The following PAPSS1 variants were observed in gnomAD, a reference collection of about 807,000 sequenced individuals.
PAPSS1 encodes 3'-phosphoadenosine 5'-phosphosulfate synthase 1, also known as bifunctional 3'-phosphoadenosine 5'-phosphosulfate synthase 1.
A neutral mutation model predicts 72.0 loss-of-function variants in PAPSS1; 50 were observed. The observed-to-expected ratio is 0.69, with a 90% CI of 0.55 to 0.88. PAPSS1 has a LOEUF of 0.88. Among genes scored for constraint, PAPSS1 ranks in the 40% least tolerant of loss-of-function variants. The pLI, the probability that PAPSS1 is intolerant of heterozygous loss-of-function variation, is 0.00. For synonymous variants in PAPSS1, 261 were observed against 263.6 expected (o/e 0.99, Z 0.09); for missense variants, 657 against 782.2 (o/e 0.84, Z 1.91).
chr4:107,719,187 G>GTTTTTTTTTTT (rs9307313), intron 1 of PAPSS1, among the ~76,000 whole-genome samples: 4 of 146,404 alleles, frequency 2.7e-5, no homozygotes, highest in Non-Finnish European at 1.5e-5. Flanking sequence ...GAAATTGCTT[G>GTTTTTTTTTTT]TTTTTTTTTT....
chr4:107,635,088 G>A (rs1039891043), intron 10 of PAPSS1, among the ~76,000 whole-genome samples: 12 of 152,058 alleles, frequency 7.9e-5, no homozygotes, highest in East Asian at 3.9e-4. Context: ...GTGAGCCACC[G>A]CGCTTGGCCT....
chr4:107,676,053 T>C (rs1483023409), intron 5 of PAPSS1, among the ~76,000 whole-genome samples: 1 of 152,168 alleles, frequency 6.6e-6, no homozygotes, highest in Non-Finnish European at 1.5e-5. Context: ...AAGAGCTATC[T>C]ATGACAAACC....
intron 10 of PAPSS1, among the ~76,000 whole-genome samples, chr4:107,635,915 C>A (rs1352387558): frequency 6.6e-6 from 1 of 152,098 alleles, no homozygotes; most frequent in African/African-American, 2.4e-5. Context: ...CACAGAGACC[C>A]CTGGCTTAGT....
intron 2 of PAPSS1, among the ~76,000 whole-genome samples, chr4:107,697,344 T>A (rs905728531): frequency 4.3e-4 from 66 of 152,228 alleles, no homozygotes; most frequent in African/African-American, 9.6e-4. Context: ...TTTACAACAC[T>A]GGGTTTTAGG....
Position 107,631,692 on chromosome 4 carries a change from G to A in PAPSS1, c.1675C>T (p.Pro559Ser), listed in dbSNP as rs72673574. 1.1e-5 allele frequency: 17 copies of A among 1,614,104 alleles called. No homozygotes were observed. The highest frequency in any genetic ancestry group is 1.4e-5 in the Non-Finnish European group (17 of 1,179,998). The change falls in exon 11 of 12, where the codon CCC (proline) becomes TCC (serine). Residue 559 changes from proline (P) to serine (S), a missense_variant. Transcript: ENST00000265174. ...TTGTTGTAAGCTGCAACTCGAAAGG[G>A]AACTATTTCCAAAGTGATTAAACCA... The part of the protein sequence containing the change: ...APGLITLEIV[P>S]FRVAAYNKKK...
intron 10 of PAPSS1, among the ~76,000 whole-genome samples, chr4:107,640,560 T>G (rs926401421): frequency 1.1e-4 from 16 of 150,872 alleles, no homozygotes; most frequent in African/African-American, 3.4e-4. Flanking sequence ...AATGAGAGGG[T>G]TTTTTTTTAT....
Position 107,625,222 on chromosome 4 carries a change from T to C in PAPSS1, c.1736+6409A>G, listed in dbSNP as rs181366867. On this transcript the variant is annotated intron_variant, in intron 11 of 11. Transcript: ENST00000265174. ...AATTCTAACATAGCCCCAATGACCT[T>C]TGTCCCCAGTGTTATTACCATCCTA... is the stretch of plus-strand genomic sequence containing the variant. Among the ~76,000 whole-genome samples the C allele has an allele frequency of 2.4e-3, 369 of 152,342 alleles. 1 individual carries two copies. Among genetic ancestry groups the C allele is most frequent in the Middle Eastern group, 0.017 (5 of 294 alleles).
At chr4:107,668,798 C>A (rs1184034758) in intron 5 of PAPSS1, among the ~76,000 whole-genome samples, 1 of 151,930 alleles carries the variant, frequency 6.6e-6, no homozygotes, top group African/African-American at 2.4e-5. Context: ...AATATATATA[C>A]ACACACACAT....
At chr4:107,667,200 C>T (rs1267436508) in intron 5 of PAPSS1, among the ~76,000 whole-genome samples, 1 of 152,222 alleles carries the variant, frequency 6.6e-6, no homozygotes, top group Admixed American at 6.5e-5. Context: ...GTTCAGAGAG[C>T]TTCCCAGTTG....
chr4:107,641,242 CT>C (rs974334423), intron 10 of PAPSS1, among the ~76,000 whole-genome samples: 2 of 152,178 alleles, frequency 1.3e-5, no homozygotes, highest in Non-Finnish European at 2.9e-5. Context: ...AATTCCTTAT[CT>C]TCCACCCACT....
At chr4:107,711,755 A>C (rs1723502042) in intron 1 of PAPSS1, among the ~76,000 whole-genome samples, 1 of 152,362 alleles carries the variant, frequency 6.6e-6, no homozygotes, top group Non-Finnish European at 1.5e-5. Flanking sequence ...AGAAATCTTT[A>C]GTTCACAGAG....
intron 1 of PAPSS1, among the ~76,000 whole-genome samples, chr4:107,710,425 T>A (rs1217875999): frequency 1.3e-5 from 2 of 152,230 alleles, no homozygotes; most frequent in Non-Finnish European, 2.9e-5. Flanking sequence ...TTAACACATT[T>A]ATTTGTCTTC....
chr4:107,657,567 C>CA (rs1408844501), intron 6 of PAPSS1, among the ~76,000 whole-genome samples: 1 of 151,930 alleles, frequency 6.6e-6, no homozygotes, highest in Non-Finnish European at 1.5e-5. Flanking sequence ...ACTAAAAATA[C>CA]AAAAAATTAG....
intron 6 of PAPSS1, among the ~76,000 whole-genome samples, chr4:107,658,232 G>A (rs147596447): frequency 0.011 from 1,457 of 137,682 alleles, 24 homozygotes; most frequent in African/African-American, 0.035. Flanking sequence ...ATAAAGTACT[G>A]TATTCTAAAA....
intron 10 of PAPSS1, among the ~76,000 whole-genome samples, chr4:107,644,568 C>A (rs753339017): frequency 1.3e-5 from 2 of 152,214 alleles, no homozygotes; most frequent in Non-Finnish European, 2.9e-5. Flanking sequence ...TCCCCTCCTT[C>A]ACAACTGGGA....
chr4:107,696,434 G>A (rs924525498), intron 2 of PAPSS1, among the ~76,000 whole-genome samples: 4 of 152,146 alleles, frequency 2.6e-5, no homozygotes, highest in Non-Finnish European at 4.4e-5. Context: ...GGACATGGAC[G>A]GAGCTGGAAG....
chr4:107,665,096 T>C (rs776570499), intron 5 of PAPSS1, among the ~76,000 whole-genome samples: 24 of 152,208 alleles, frequency 1.6e-4, no homozygotes, highest in Admixed American at 5.9e-4. Context: ...AGAGTGAATG[T>C]TTTGGGAATT....
chr4:107,635,077 C>T (rs555422867), intron 10 of PAPSS1, among the ~76,000 whole-genome samples: 55 of 152,172 alleles, frequency 3.6e-4, no homozygotes, highest in African/African-American at 1.2e-3. Flanking sequence ...GGATTACAGG[C>T]GTGAGCCACC....
intron 10 of PAPSS1, among the ~76,000 whole-genome samples, 191 bp downstream of exon 10, chr4:107,644,611 C>A (rs1228757690): frequency 6.6e-6 from 1 of 152,174 alleles, no homozygotes; most frequent in Non-Finnish European, 1.5e-5. Flanking sequence ...AAACCTCTCC[C>A]CACCTTTCCT....
Sources: allele counts gnomAD v4.1 joint callset (sites outside exome capture counted in the v4.1 genomes callset), GRCh38; gene constraint gnomAD v4.1.1; transcripts MANE v1.5; gene names NCBI Gene and HGNC (gene_info 2026-07-23, HGNC 2026-07-21).